The following POU2F1 variants were observed in gnomAD, a reference collection of about 807,000 sequenced individuals.
POU2F1 encodes the protein POU domain, class 2, transcription factor 1.
Under a neutral mutation model 84.9 loss-of-function variants are expected in POU2F1, and 16 were observed. That is an observed-to-expected ratio of 0.19 (90% CI 0.13 to 0.29). The LOEUF is 0.29. POU2F1 is among the 10% of genes least tolerant of loss of function. The pLI is 1.00. For missense variants in POU2F1, 738 were observed against 942.6 expected (o/e 0.78, Z 2.84); for synonymous variants, 368 against 368.3 (o/e 1.00, Z 0.01).
chr1:167,318,890 A>G (rs34138184), intron 1 of POU2F1: 2,272 of 155,804 alleles, frequency 0.015, 23 homozygotes, highest in South Asian at 0.026. Context: ...AATATGCCCA[A>G]TAAGTATAAT....
rs148011426 is a variant in POU2F1, at chr1:167,368,026, G to T, written c.229-2135G>T. On this transcript the variant is annotated intron_variant, in intron 3 of 15. Transcript: ENST00000367866. ...AAAAACAGCATTCTCTTATAAAACT[G>T]CAGTGCAAATTTCAAATTCCAGAAA... Among the ~76,000 whole-genome samples, 17 of 152,190 alleles carry T rather than the reference G, an allele frequency of 1.1e-4. No homozygotes were observed. The East Asian group carries it at 3.3e-3, about 29-fold the overall frequency.
chr1:167,412,450 A>G (rs71632308), intron 14 of POU2F1, 146 bp downstream of exon 14: 6 of 673,976 alleles, frequency 8.9e-6, no homozygotes, highest in Non-Finnish European at 1.4e-5. Context: ...TTTTGTGATC[A>G]TACAAGGACT....
At chr1:167,256,452 T>C (rs1651148019) in intron 1 of POU2F1, among the ~76,000 whole-genome samples, 1 of 151,700 alleles carries the variant, frequency 6.6e-6, no homozygotes, top group Admixed American at 6.6e-5. Flanking sequence ...ATGATAATAA[T>C]TGTTGTTGAA....
At chr1:167,379,943 A>G (rs764139218) in intron 7 of POU2F1, 2 of 152,220 alleles carry the variant, frequency 1.3e-5, no homozygotes, top group Non-Finnish European at 2.9e-5. Context: ...GACTTTTATA[A>G]GATTGGGAAA....
rs1427275400 is a variant in POU2F1, at chr1:167,389,638, A to G, written c.864A>G (p.Pro288=). ...CAGCAACCCCAATTCAGACACTTCC[A>G]CAGAGCCAGTCAACACCAAAGCGAA... ...TIAATPIQTL[P]QSQSTPKRID... Residue 288 remains proline (P), a synonymous_variant, in exon 9 of 16, where the codon CCA becomes CCG. Transcript: ENST00000367866. The G allele has an allele frequency of 3.1e-6, 5 of 1,614,080 alleles. No individual in the cohort carries two copies. Among genetic ancestry groups the G allele is most frequent in the South Asian group, 2.2e-5 (2 of 91,084 alleles).
chr1:167,295,868 A>C (rs761548012), intron 1 of POU2F1, among the ~76,000 whole-genome samples: 3 of 152,178 alleles, frequency 2.0e-5, no homozygotes, highest in Non-Finnish European at 4.4e-5. Flanking sequence ...TAATTGCAGG[A>C]TGAGTGACTT....
chr1:167,321,335 C>A (rs901626550), intron 1 of POU2F1, among the ~76,000 whole-genome samples: 9 of 152,176 alleles, frequency 5.9e-5, no homozygotes, highest in Admixed American at 2.0e-4. Context: ...ATTGTAAATG[C>A]AAACTGTTCA....
chr1:167,245,044 A>G (rs568531809), intron 1 of POU2F1, among the ~76,000 whole-genome samples: 20 of 152,192 alleles, frequency 1.3e-4, no homozygotes, highest in Non-Finnish European at 2.2e-4. Flanking sequence ...CTGAGAGAGG[A>G]GAATAGGAGC....
intron 2 of POU2F1, among the ~76,000 whole-genome samples, chr1:167,337,693 A>C (rs1018875349): frequency 7.2e-6 from 1 of 139,666 alleles, no homozygotes; most frequent in South Asian, 2.2e-4. Flanking sequence ...CACCCCCTGC[A>C]AAAAAAAAAA....
In POU2F1 at chr1:167,423,688, G is replaced by A. The variant is rs977212889; in HGVS notation, c.*7878G>A. On this transcript the variant is annotated 3_prime_UTR_variant, in exon 16 of 16. Transcript: ENST00000367866. ...ACCCAGGACACTGTCAAAAAGTTAAGACCCCAAAACTAATTTACTGTAAAA... is the reference window on the plus strand; with the variant it reads ...ACCCAGGACACTGTCAAAAAGTTAAAACCCCAAAACTAATTTACTGTAAAA... The A allele has an allele frequency of 2.4e-4, 36 of 152,174 alleles. No individual in the cohort carries two copies. Among genetic ancestry groups the A allele is most frequent in the African/African-American group, 8.2e-4 (34 of 41,436 alleles). The allele number at this position is 152,174 out of a possible 1,614,324, so 9.4% of individuals were successfully genotyped here.
At chr1:167,412,431 A>G (rs1650032173) in intron 14 of POU2F1, 127 bp downstream of exon 14, 2 of 855,924 alleles carry the variant, frequency 2.3e-6, no homozygotes, top group South Asian at 1.9e-5. Context: ...ATCTCTTTGA[A>G]GTGGGCTGTT....
rs996974133 is a variant in POU2F1 at position 167,407,932 on chromosome 1, T to C, written c.1556-4027T>C. Among the ~76,000 whole-genome samples, 4 of 152,342 alleles carry C rather than the reference T, an allele frequency of 2.6e-5. No individual in the cohort carries two copies. In the East Asian group the frequency reaches 5.8e-4, roughly 22 times the overall value. On this transcript the variant is annotated intron_variant, in intron 13 of 15. Coordinates refer to ENST00000367866, the MANE Select transcript of POU2F1 (RefSeq NM_002697.4). ...TCAGCTTCATCAAAAGTAAAATCTT[T>C]TGTGCTTCAAAAGCCACAGACTGAG...
intron 1 of POU2F1, among the ~76,000 whole-genome samples, chr1:167,263,661 A>T (rs185535632): frequency 5.3e-5 from 8 of 152,318 alleles, no homozygotes; most frequent in Admixed American, 3.9e-4. Flanking sequence ...CAAAGCCTTC[A>T]GTATCTCTCC....
intron 2 of POU2F1, chr1:167,337,889 T>C: frequency 2.9e-6 from 1 of 342,512 alleles, no homozygotes; most frequent in Non-Finnish European, 5.7e-6. Flanking sequence ...CAGTACTGTT[T>C]TGTGCAGATG....
At chr1:167,375,902 A>G (rs1450132576) in intron 6 of POU2F1, 127 bp from the exon 7 acceptor site, 1 of 1,180,772 alleles carries the variant, frequency 8.5e-7, no homozygotes, top group Non-Finnish European at 1.2e-6. Flanking sequence ...TGTTTGGAAT[A>G]TGAAAGCATG....
intron 1 of POU2F1, among the ~76,000 whole-genome samples, chr1:167,256,828 T>C (rs551596736): frequency 4.6e-5 from 7 of 152,304 alleles, no homozygotes; most frequent in South Asian, 4.1e-4. Context: ...CCTATTGATA[T>C]ATTAGAGTCT....
At chr1:167,394,841 T>G (rs550539858) in intron 9 of POU2F1, among the ~76,000 whole-genome samples, 2 of 152,214 alleles carry the variant, frequency 1.3e-5, no homozygotes, top group African/African-American at 4.8e-5. Context: ...AATATGTTAC[T>G]TTTTTAACCC....
chr1:167,241,942 C>T (rs551052417), intron 1 of POU2F1, among the ~76,000 whole-genome samples: 13 of 152,180 alleles, frequency 8.5e-5, no homozygotes, highest in East Asian at 3.9e-4. Flanking sequence ...TAATCACAAA[C>T]GCAGCTATGT....
At position 167,371,988 on chromosome 1, in the gene POU2F1, A is replaced by C; in HGVS notation, c.354A>C (p.Ala118=). Residue 118 remains alanine (A), a synonymous_variant, in exon 5 of 16, where the codon GCA becomes GCC. Coordinates refer to ENST00000367866, the MANE Select transcript of POU2F1 (RefSeq NM_002697.4). ...CTTCCCAGCAGCCTTCAGTGCAGGC[A>C]GCCATTCCCCAGACCCAGCTTATGC... ...SQPSQQPSVQ[A]AIPQTQLMLA... 2 of 1,614,216 alleles carry C rather than the reference A, an allele frequency of 1.2e-6. No homozygotes were observed. Among genetic ancestry groups the C allele is most frequent in the Non-Finnish European group, 1.7e-6 (2 of 1,180,020 alleles).
Sources: gnomAD v4.1 joint callset for allele counts (sites outside exome capture counted in the v4.1 genomes callset) on GRCh38, gnomAD v4.1.1 for gene constraint, MANE v1.5 for transcripts, NCBI Gene and HGNC (gene_info 2026-07-23, HGNC 2026-07-21) for gene names.